ZC3H12B: variants seen among roughly 807,000 people sequenced by gnomAD.
ZC3H12B encodes probable ribonuclease ZC3H12B.
In ZC3H12B, 7 loss-of-function variants were observed where a neutral mutation model predicts 43.9. That is an observed-to-expected ratio of 0.16 (90% CI 0.09 to 0.30). The LOEUF is 0.30. Ranked by LOEUF, ZC3H12B falls within the 10% of genes least tolerant of loss-of-function variation. ZC3H12B has a pLI of 1.00. For missense variants in ZC3H12B, 475 were observed against 670.2 expected (o/e 0.71, Z 3.22); for synonymous variants, 222 against 241.7 (o/e 0.92, Z 0.76).
chrX:65,079,439 G>T, the ZC3H12B span, among the ~76,000 whole-genome samples: 2 of 112,503 alleles, frequency 1.8e-5, no homozygotes, highest in Non-Finnish European at 1.9e-5. Flanking sequence ...TGCTCTACTG[G>T]ATTCAGGTCT....
chrX:65,427,614 C>G (rs528355639), intron 3 of ZC3H12B, among the ~76,000 whole-genome samples: 79 of 111,329 alleles, frequency 7.1e-4, no homozygotes, highest in African/African-American at 2.5e-3. Flanking sequence ...CAGATAAGAG[C>G]CACCACACCC....
chrX:65,469,059 T>C (rs2067869042), intron 3 of ZC3H12B: 1 of 111,128 alleles, frequency 9.0e-6, no homozygotes, highest in Admixed American at 9.7e-5. Flanking sequence ...TTTGGCAGGC[T>C]CTATGACATC....
At chrX:65,397,889 C>G (rs1369229350) in intron 2 of ZC3H12B, among the ~76,000 whole-genome samples, 2 of 111,853 alleles carry the variant, frequency 1.8e-5, no homozygotes, top group Non-Finnish European at 3.8e-5. Flanking sequence ...AACCCAGAGA[C>G]TTTACCAAAA....
the ZC3H12B span, among the ~76,000 whole-genome samples, chrX:65,249,457 A>T: frequency 8.9e-6 from 1 of 112,080 alleles, no homozygotes; most frequent in African/African-American, 3.2e-5. Context: ...TTTGGTGACT[A>T]TGGCCTTATA....
chrX:65,080,188 G>GAA, the ZC3H12B span, among the ~76,000 whole-genome samples: 5 of 57,039 alleles, frequency 8.8e-5, no homozygotes, highest in South Asian at 1.6e-3. Context: ...GAAGACAAAA[G>GAA]AAAAAAAAAA....
the ZC3H12B span, among the ~76,000 whole-genome samples, chrX:65,227,022 C>A: frequency 1.8e-5 from 2 of 111,024 alleles, no homozygotes; most frequent in Admixed American, 9.6e-5. Context: ...CAACTCTGCA[C>A]CAAGCGGACC....
At chrX:65,302,150 A>G in the ZC3H12B span, among the ~76,000 whole-genome samples, 2 of 111,397 alleles carry the variant, frequency 1.8e-5, no homozygotes, top group Non-Finnish European at 3.8e-5. Flanking sequence ...CTACTCTTCA[A>G]TGTTATACTG....
the ZC3H12B span, among the ~76,000 whole-genome samples, chrX:65,043,047 C>T: frequency 7.2e-5 from 8 of 111,660 alleles, no homozygotes; most frequent in African/African-American, 1.6e-4. Context: ...TCAATATCTA[C>T]GAATTCCAAT....
At chrX:65,186,049 T>G in the ZC3H12B span, 1 of 111,891 alleles carries the variant, frequency 8.9e-6, no homozygotes, top group South Asian at 3.7e-4. Context: ...TGGATTATAT[T>G]GTTTATGGAG....
At chrX:65,434,300 C>T (rs1388444053) in intron 3 of ZC3H12B, among the ~76,000 whole-genome samples, 1 of 111,973 alleles carries the variant, frequency 8.9e-6, no homozygotes, top group Non-Finnish European at 1.9e-5. Flanking sequence ...CTGGACCCTC[C>T]CAGTATAAAT....
At position 65,398,720 on chromosome X, in the gene ZC3H12B, C is replaced by A. The variant is rs191422459; in HGVS notation, n.407+16C>A. Reference sequence around the variant, plus strand: ...CTGCAGAACTGTGAGTCAATTTAACCTTTTTTCTTTGTAAATTACCCATTT... The same window carrying A: ...CTGCAGAACTGTGAGTCAATTTAACATTTTTTCTTTGTAAATTACCCATTT... On this transcript the variant is annotated intron_variant and non_coding_transcript_variant, in intron 3 of 5. Transcript: ENST00000617377. 5.4e-5 allele frequency: 6 copies of A among 111,830 alleles called. No individual in the cohort carries two copies. Among genetic ancestry groups the A allele is most frequent in the Admixed American group, 4.8e-4 (5 of 10,465 alleles). The allele number at this position is 111,830 out of a possible 1,213,427, so 9.2% of individuals were successfully genotyped here. A position where few individuals can be genotyped will look rare whatever the true frequency, so the allele number is the denominator to read the frequency against.
At chrX:65,446,544 T>C (rs1379737401) in intron 3 of ZC3H12B, among the ~76,000 whole-genome samples, 1 of 112,000 alleles carries the variant, frequency 8.9e-6, no homozygotes, top group Non-Finnish European at 1.9e-5. Flanking sequence ...GGATAGATGA[T>C]TCCTTTCAGA....
the ZC3H12B span, among the ~76,000 whole-genome samples, chrX:65,044,255 C>T: frequency 4.5e-5 from 5 of 111,382 alleles, no homozygotes; most frequent in African/African-American, 1.6e-4. Context: ...GGAGGAAGAA[C>T]ATTTCAGGCA....
chrX:65,499,661 T>C (rs1448982446), intron 3 of ZC3H12B, among the ~76,000 whole-genome samples: 1 of 111,258 alleles, frequency 9.0e-6, no homozygotes. Flanking sequence ...CTCAAACATG[T>C]AGTTCATGGA....
the ZC3H12B span, among the ~76,000 whole-genome samples, chrX:65,166,359 A>G: frequency 4.5e-5 from 5 of 111,354 alleles, no homozygotes; most frequent in African/African-American, 1.6e-4. Flanking sequence ...CCATGTCCCT[A>G]CAAAGGACAT....
At chrX:65,466,915 AATATATATATATAT>A (rs58150008) in intron 3 of ZC3H12B, among the ~76,000 whole-genome samples, 663 of 23,869 alleles carry the variant, frequency 0.028, 17 homozygotes, top group African/African-American at 0.041. Context: ...TATAAAACCA[AATATATATATATAT>A]ATATATATAT....
At chrX:65,192,232 A>C in the ZC3H12B span, among the ~76,000 whole-genome samples, 7 of 110,599 alleles carry the variant, frequency 6.3e-5, no homozygotes, top group Non-Finnish European at 1.3e-4. Context: ...TATGTGGTCA[A>C]TTTTGGAATA....
At chrX:65,454,875 A>T (rs2067583808) in intron 3 of ZC3H12B, among the ~76,000 whole-genome samples, 1 of 111,920 alleles carries the variant, frequency 8.9e-6, no homozygotes, top group Admixed American at 9.5e-5. Context: ...CAGGGTCTGG[A>T]GTGGATTTCC....
At chrX:65,229,250 C>G in the ZC3H12B span, among the ~76,000 whole-genome samples, 2 of 111,719 alleles carry the variant, frequency 1.8e-5, no homozygotes, top group African/African-American at 6.5e-5. Context: ...ACTATCTGAT[C>G]TTTGACAAAC....
Sources: allele counts gnomAD v4.1 joint callset (sites outside exome capture counted in the v4.1 genomes callset), GRCh38; gene constraint gnomAD v4.1.1; transcripts MANE v1.5; gene names NCBI Gene and HGNC (gene_info 2026-07-23, HGNC 2026-07-21).